MTUS1: variants seen among roughly 807,000 people sequenced by gnomAD.
MTUS1 encodes the protein microtubule-associated tumor suppressor 1.
A neutral mutation model predicts 120.8 loss-of-function variants in MTUS1; 109 were observed. The observed-to-expected ratio is 0.90, with a 90% confidence interval of 0.77 to 1.06. MTUS1 has a LOEUF of 1.06. MTUS1 is among the 50% of genes least tolerant of loss of function. The pLI, the probability that MTUS1 is intolerant of heterozygous loss-of-function variation, is 0.00. For synonymous variants in MTUS1, 737 were observed against 550.5 expected (o/e 1.34, Z -4.74); for missense variants, 2,210 against 1,486.3 (o/e 1.49, Z -8.01).
chr8:17,685,165 G>T (rs187227913), intron 6 of MTUS1, among the ~76,000 whole-genome samples: 37 of 151,692 alleles, frequency 2.4e-4, no homozygotes, highest in South Asian at 1.0e-3. Context: ...ATTTTCTATC[G>T]AACACAAGCT....
At chr8:17,800,596 A>G (rs998293704) in intron 1 of MTUS1, 5 of 152,328 alleles carry the variant, frequency 3.3e-5, no homozygotes, top group African/African-American at 1.2e-4. Flanking sequence ...CAATAAGGTC[A>G]CCTTAATTAA....
chr8:17,663,335 T>C (rs1343226878), intron 8 of MTUS1, among the ~76,000 whole-genome samples: 3 of 152,212 alleles, frequency 2.0e-5, no homozygotes, highest in Non-Finnish European at 4.4e-5. Context: ...AAATGTACTG[T>C]TTACAGAGAA....
chr8:17,653,298 T>C lies in MTUS1; in HGVS notation c.3289-17A>G, dbSNP rs762700082. The stretch of plus-strand genomic sequence containing the variant: ...GATTTGCTTCTAAAACACAATGAAA[T>C]GTGGAACTTAAGTTAACAAGAAAAC... On this transcript the variant is annotated splice_polypyrimidine_tract_variant and intron_variant, in intron 11 of 14. Transcript: ENST00000693296. 9.8e-6 allele frequency: 15 copies of C among 1,529,314 alleles called. No individual in the cohort carries two copies. In the South Asian group the frequency reaches 9.8e-5, roughly 10 times the overall value. 94.7% of individuals were successfully genotyped at this position (1,529,314 alleles called of 1,614,324 possible). A position where few individuals can be genotyped will look rare whatever the true frequency, so the allele number is the denominator to read the frequency against.
At chr8:17,674,908 C>A in intron 8 of MTUS1, 1 of 1,228,156 alleles carries the variant, frequency 8.1e-7, no homozygotes, top group Non-Finnish European at 1.0e-6. Context: ...CACACAATTA[C>A]AAAAATAACT....
chr8:17,681,787 C>A (rs1254627325), intron 7 of MTUS1: 16 of 154,710 alleles, frequency 1.0e-4, no homozygotes, highest in Non-Finnish European at 1.8e-4. Context: ...GAAAACCAGA[C>A]TCCCCAAAAC....
intron 8 of MTUS1, among the ~76,000 whole-genome samples, chr8:17,673,719 C>T (rs191218257): frequency 2.0e-5 from 3 of 152,198 alleles, no homozygotes; most frequent in African/African-American, 2.4e-5. Context: ...CCTCCCAAAG[C>T]GCTGGGATTA....
intron 3 of MTUS1, 74 bp downstream of exon 3, chr8:17,743,530 A>T (rs534082234): frequency 7.1e-7 from 1 of 1,408,052 alleles, no homozygotes; most frequent in South Asian, 1.3e-5. Context: ...GACAGAAGGC[A>T]TTAGACCTAT....
At chr8:17,716,776 G>T (rs148243759) in intron 4 of MTUS1, among the ~76,000 whole-genome samples, 32 of 152,196 alleles carry the variant, frequency 2.1e-4, no homozygotes, top group African/African-American at 7.5e-4. Context: ...GGATGGTCTC[G>T]ATCTCCTGAC....
intron 4 of MTUS1, chr8:17,723,330 T>C (rs143425822): frequency 9.2e-6 from 3 of 325,770 alleles, no homozygotes; most frequent in South Asian, 5.7e-5. Context: ...CCACAGGAGA[T>C]AGTCTTTTGC....
intron 1 of MTUS1, among the ~76,000 whole-genome samples, chr8:17,760,891 G>C (rs943379702): frequency 3.3e-5 from 5 of 149,842 alleles, no homozygotes; most frequent in African/African-American, 9.8e-5. Context: ...CTACCTACCA[G>C]AACAAAGGTA....
intron 2 of MTUS1, among the ~76,000 whole-genome samples, chr8:17,745,370 T>C (rs1292688443): frequency 6.6e-6 from 1 of 152,198 alleles, no homozygotes; most frequent in Non-Finnish European, 1.5e-5. Flanking sequence ...ACTTACAACA[T>C]CTACCTATTA....
At chr8:17,792,047 A>G (rs1416501783) in intron 1 of MTUS1, among the ~76,000 whole-genome samples, 3 of 152,172 alleles carry the variant, frequency 2.0e-5, no homozygotes, top group African/African-American at 4.8e-5. Context: ...ACATGAACCC[A>G]ATTTTGCCTG....
intron 1 of MTUS1, among the ~76,000 whole-genome samples, chr8:17,775,185 A>C (rs966940216): frequency 6.6e-6 from 1 of 152,176 alleles, no homozygotes; most frequent in Non-Finnish European, 1.5e-5. Context: ...TAGTTACACA[A>C]CTTTGTGAAT....
intron 3 of MTUS1, among the ~76,000 whole-genome samples, chr8:17,726,823 A>G (rs1419770095): frequency 6.6e-6 from 1 of 152,164 alleles, no homozygotes; most frequent in Non-Finnish European, 1.5e-5. Flanking sequence ...ATCAAAACTA[A>G]TAAGCAAGGT....
chr8:17,699,210 TTTTG>T (rs1209512841), intron 6 of MTUS1, among the ~76,000 whole-genome samples: 3 of 151,810 alleles, frequency 2.0e-5, no homozygotes, highest in African/African-American at 7.3e-5. Flanking sequence ...AATTATCCTT[TTTTG>T]TTTGTTTTTG....
intron 8 of MTUS1, among the ~76,000 whole-genome samples, chr8:17,656,876 G>A (rs530134004): frequency 3.7e-4 from 55 of 149,940 alleles, no homozygotes; most frequent in African/African-American, 1.2e-3. Flanking sequence ...TCGAGACCAC[G>A]GTGAAACCCT....
At chr8:17,670,822 T>TA (rs540891587) in intron 8 of MTUS1, among the ~76,000 whole-genome samples, 31 of 149,032 alleles carry the variant, frequency 2.1e-4, no homozygotes, top group Admixed American at 6.7e-4. Flanking sequence ...ACCCTGTCTT[T>TA]AAAAAAAAAA....
chr8:17,776,271 T>C (rs1229288965), intron 1 of MTUS1, among the ~76,000 whole-genome samples: 3 of 151,974 alleles, frequency 2.0e-5, no homozygotes, highest in East Asian at 1.9e-4. Flanking sequence ...TGTTTTTATA[T>C]GCAAAGACTA....
At chr8:17,769,881 TACACACACACACACACACACACAC>T (rs56287929) in intron 1 of MTUS1, among the ~76,000 whole-genome samples, 99 of 99,634 alleles carry the variant, frequency 9.9e-4, no homozygotes, top group East Asian at 7.8e-3. Flanking sequence ...ACTCTTTGCT[TACACACACACACACACACACACAC>T]ACACACACAC....
Sources: gnomAD v4.1 joint callset for allele counts (sites outside exome capture counted in the v4.1 genomes callset) on GRCh38, gnomAD v4.1.1 for gene constraint, MANE v1.5 for transcripts, NCBI Gene and HGNC (gene_info 2026-07-23, HGNC 2026-07-21) for gene names.